NFIL3: variants seen among roughly 807,000 people sequenced by gnomAD.
The protein encoded by NFIL3 is nuclear factor interleukin-3-regulated protein.
In NFIL3, 5 loss-of-function variants were observed where a neutral mutation model predicts 10.0. The observed-to-expected ratio is 0.50, with a 90% CI of 0.26 to 1.06. NFIL3 has a LOEUF of 1.06. Among genes scored for constraint, NFIL3 ranks in the 50% least tolerant of loss-of-function variants. NFIL3 has a pLI of 0.13. For synonymous variants in NFIL3, 202 were observed against 206.5 expected (o/e 0.98, Z 0.19); for missense variants, 436 against 547.6 (o/e 0.80, Z 2.03).
chr9:91,454,337 C>G, the NFIL3 span, among the ~76,000 whole-genome samples: 1 of 151,462 alleles, frequency 6.6e-6, no homozygotes, highest in Non-Finnish European at 1.5e-5. Context: ...ATTTCTATTC[C>G]ATGGAAATCA....
the NFIL3 span, among the ~76,000 whole-genome samples, chr9:91,442,488 G>A: frequency 2.0e-5 from 3 of 152,174 alleles, no homozygotes; most frequent in Non-Finnish European, 4.4e-5. Context: ...CCAGCAGGCT[G>A]TGCTCAGCTT....
At chr9:91,477,236 G>A in the NFIL3 span, among the ~76,000 whole-genome samples, 6 of 152,098 alleles carry the variant, frequency 3.9e-5, no homozygotes, top group African/African-American at 1.4e-4. Flanking sequence ...AGTTCCTGGG[G>A]TTGCCCAGCT....
chr9:91,436,002 A>C, the NFIL3 span, among the ~76,000 whole-genome samples: 1 of 152,218 alleles, frequency 6.6e-6, no homozygotes, highest in Non-Finnish European at 1.5e-5. Context: ...TAAACAAAAA[A>C]ACCCAAAAAA....
rs377617724 is a variant in NFIL3 at position 91,409,878 on chromosome 9, G to T, written c.857C>A (p.Ser286Tyr). ...GACCTGTTGCTCGTCTTCTCCATCA[G>T]ATGACTTTCCTACCACACCATCATC... Reference protein sequence around the residue: ...ETDDGVVGKSSDGEDEQQVPK... With the variant: ...ETDDGVVGKSYDGEDEQQVPK... The change falls in exon 2 of 2, where the codon TCT becomes TAT. Residue 286 changes from serine (S) to tyrosine (Y), a missense_variant. Physicochemically the swap from Ser to Tyr is moderately radical, Grantham distance 144. Around this residue, in one of 3 missense-constraint regions of NFIL3, gnomAD observed 338 missense variants for 399.9 expected, o/e 0.85. Coordinates refer to ENST00000297689, the MANE Select transcript of NFIL3 (RefSeq NM_005384.3). 1 of 1,614,064 alleles carries T rather than the reference G, an allele frequency of 6.2e-7. No individual in the cohort carries two copies. Among genetic ancestry groups the T allele is most frequent in the Non-Finnish European group, 8.5e-7 (1 of 1,180,002 alleles).
the NFIL3 span, among the ~76,000 whole-genome samples, chr9:91,444,360 G>A: frequency 6.6e-6 from 1 of 151,886 alleles, no homozygotes; most frequent in Non-Finnish European, 1.5e-5. Flanking sequence ...TTATCTATCT[G>A]TATTCTTTTG....
the NFIL3 span, among the ~76,000 whole-genome samples, chr9:91,447,182 G>A: frequency 6.6e-6 from 1 of 152,264 alleles, no homozygotes; most frequent in Non-Finnish European, 1.5e-5. Flanking sequence ...AAGCTGAATA[G>A]TATTCCATTT....
the NFIL3 span, among the ~76,000 whole-genome samples, chr9:91,466,517 T>A: frequency 6.6e-6 from 1 of 152,182 alleles, no homozygotes; most frequent in African/African-American, 2.4e-5. Context: ...TTCTTCCCTC[T>A]CTTATCCCCT....
chr9:91,409,776 G>A lies in NFIL3; in HGVS notation c.959C>T (p.Ser320Phe), dbSNP rs1833504833. The change falls in exon 2 of 2, where the codon TCC (serine) becomes TTC (phenylalanine). Residue 320 changes from serine to phenylalanine, a missense_variant. Physicochemically the swap from Ser to Phe is radical, Grantham distance 155 (BLOSUM62 -2). Coordinates refer to ENST00000297689, the MANE Select transcript of NFIL3 (RefSeq NM_005384.3). ...CCGGAGCTTGTGTGGCAAGGCAGAGGAATTCACTTCTGGAACTTTAACCAC... is the reference window on the plus strand; with the variant it reads ...CCGGAGCTTGTGTGGCAAGGCAGAGAAATTCACTTCTGGAACTTTAACCAC... ...ATVVKVPEVNSSALPHKLRIK... is the reference protein window; with the variant it reads ...ATVVKVPEVNFSALPHKLRIK... The A allele has an allele frequency of 6.2e-7, 1 of 1,614,174 alleles. No individual in the cohort carries two copies. Among genetic ancestry groups the A allele is most frequent in the Non-Finnish European group, 8.5e-7 (1 of 1,180,040 alleles).
chr9:91,482,243 G>GA, the NFIL3 span, among the ~76,000 whole-genome samples: 6 of 151,700 alleles, frequency 4.0e-5, no homozygotes, highest in Non-Finnish European at 5.9e-5. Context: ...CAAGAAGTGT[G>GA]AAAGGCAATC....
chr9:91,419,261 A>G lies in NFIL3; in HGVS notation c.-173+4379T>C, dbSNP rs534006553. ...GATTACAATGGAAATCATGAAGTAT[A>G]TGAGTTTAACCTGGGTAAAAATAAA... On this transcript the variant is annotated intron_variant, in intron 1 of 1. Coordinates refer to ENST00000297689, the MANE Select transcript of NFIL3 (RefSeq NM_005384.3). Among the ~76,000 whole-genome samples the G allele has an allele frequency of 4.3e-4, 65 of 152,334 alleles. 1 individual carries two copies. In the South Asian group the frequency reaches 0.01, roughly 24 times the overall value.
the NFIL3 span, among the ~76,000 whole-genome samples, chr9:91,468,806 A>G: frequency 1.3e-5 from 2 of 152,268 alleles, no homozygotes; most frequent in East Asian, 1.9e-4. Context: ...TCCTTTCCCC[A>G]TTTCTTGTTT....
At chr9:91,414,731 G>T (rs1212213028) in intron 1 of NFIL3, among the ~76,000 whole-genome samples, 7 of 152,102 alleles carry the variant, frequency 4.6e-5, no homozygotes, top group Admixed American at 3.3e-4. Context: ...AAATAATCTT[G>T]CAGTGTTGAA....
intron 1 of NFIL3, among the ~76,000 whole-genome samples, chr9:91,416,813 T>C (rs942642919): frequency 6.6e-6 from 1 of 152,246 alleles, no homozygotes; most frequent in African/African-American, 2.4e-5. Flanking sequence ...TTTTAAAGTT[T>C]AAGTCAGATT....
chr9:91,437,651 C>G, the NFIL3 span, among the ~76,000 whole-genome samples: 1 of 152,208 alleles, frequency 6.6e-6, no homozygotes, highest in Non-Finnish European at 1.5e-5. Context: ...ACCTACATCT[C>G]CCCATTTCCT....
chr9:91,421,142 A>T (rs1833756141), intron 1 of NFIL3, among the ~76,000 whole-genome samples: 1 of 151,704 alleles, frequency 6.6e-6, no homozygotes, highest in African/African-American at 2.4e-5. Flanking sequence ...ACAGGCGCGG[A>T]GTCAGGCCCC....
At chr9:91,477,850 C>CT in the NFIL3 span, among the ~76,000 whole-genome samples, 2 of 151,954 alleles carry the variant, frequency 1.3e-5, no homozygotes, top group Admixed American at 6.6e-5. Flanking sequence ...TAATTACACT[C>CT]TGAGTTCTGG....
the NFIL3 span, among the ~76,000 whole-genome samples, chr9:91,447,973 T>C: frequency 6.6e-6 from 1 of 152,256 alleles, no homozygotes; most frequent in Admixed American, 6.5e-5. Context: ...TTAGCTCTCA[T>C]AATTAGGCCA....
chr9:91,472,172 A>T, the NFIL3 span, among the ~76,000 whole-genome samples: 1 of 152,018 alleles, frequency 6.6e-6, no homozygotes, highest in Non-Finnish European at 1.5e-5. Context: ...GAATCTGACG[A>T]TTATGTGTCT....
chr9:91,427,389 CCTAT>C (rs1419217375), upstream of NFIL3, among the ~76,000 whole-genome samples: 1 of 152,126 alleles, frequency 6.6e-6, no homozygotes, highest in Non-Finnish European at 1.5e-5. Flanking sequence ...GCAGCTCTAC[CCTAT>C]CTGTTTTGTG....
Sources: allele counts gnomAD v4.1 joint callset (sites outside exome capture counted in the v4.1 genomes callset), GRCh38; gene constraint gnomAD v4.1.1; regional missense constraint gnomAD v4.1.1; transcripts MANE v1.5; gene names NCBI Gene and HGNC (gene_info 2026-07-23, HGNC 2026-07-21).